SERPINA12: variants seen among roughly 807,000 people sequenced by gnomAD.
SERPINA12 encodes serpin family A member 12.
A neutral mutation model predicts 25.9 loss-of-function variants in SERPINA12; 21 were observed. The ratio of observed to expected loss-of-function variants is 0.81; its 90% confidence interval spans 0.58 to 1.17. SERPINA12 has a LOEUF of 1.17. Among genes scored for constraint, SERPINA12 ranks in the 50% most tolerant of loss-of-function variants. SERPINA12 has a pLI of 0.00. For missense variants in SERPINA12, 562 were observed against 508.3 expected (o/e 1.11, Z -1.02); for synonymous variants, 220 against 196.0 (o/e 1.12, Z -1.02).
chr14:94,508,811 G>A (rs1050761759), intron 1 of SERPINA12, among the ~76,000 whole-genome samples: 4 of 152,124 alleles, frequency 2.6e-5, no homozygotes, highest in African/African-American at 7.2e-5. Flanking sequence ...AAAAATTTGG[G>A]TAAATATGCA....
At chr14:94,499,975 C>T (rs1169790143) in intron 1 of SERPINA12, among the ~76,000 whole-genome samples, 1 of 152,202 alleles carries the variant, frequency 6.6e-6, no homozygotes, top group Non-Finnish European at 1.5e-5. Flanking sequence ...AGGCAACCCT[C>T]ACAGCAGCAC....
intron 3 of SERPINA12, among the ~76,000 whole-genome samples, chr14:94,489,973 C>T (rs1162101455): frequency 6.6e-6 from 1 of 152,130 alleles, no homozygotes; most frequent in African/African-American, 2.4e-5. Flanking sequence ...CCCTGCCTCC[C>T]AGCACACCTG....
At chr14:94,491,953 G>T (rs1173721108) in intron 3 of SERPINA12, among the ~76,000 whole-genome samples, 1 of 152,140 alleles carries the variant, frequency 6.6e-6, no homozygotes, top group Non-Finnish European at 1.5e-5. Flanking sequence ...TCACTCAGGG[G>T]TAAGTATAGA....
intron 1 of SERPINA12, among the ~76,000 whole-genome samples, 63 bp downstream of exon 1, chr14:94,509,279 A>ACCACACAC (rs1555379340): frequency 7.4e-6 from 1 of 134,622 alleles, no homozygotes; most frequent in Non-Finnish European, 1.6e-5. Flanking sequence ...AGAAACAGAC[A>ACCACACAC]ACACACACAC....
chr14:94,507,381 C>T (rs1385904222), intron 1 of SERPINA12, among the ~76,000 whole-genome samples: 1 of 152,112 alleles, frequency 6.6e-6, no homozygotes, highest in Non-Finnish European at 1.5e-5. Flanking sequence ...ACATTAAGAG[C>T]CTTGTTCCTC....
At chr14:94,494,580 T>A (rs534639036) in intron 3 of SERPINA12, among the ~76,000 whole-genome samples, 19 of 152,124 alleles carry the variant, frequency 1.2e-4, no homozygotes, top group African/African-American at 4.1e-4. Context: ...ACTGGGAACA[T>A]CTTCTGCAGT....
At chr14:94,507,757 C>T (rs1212402514) in intron 1 of SERPINA12, among the ~76,000 whole-genome samples, 2 of 152,172 alleles carry the variant, frequency 1.3e-5, no homozygotes, top group Admixed American at 1.3e-4. Flanking sequence ...CCGACACCAA[C>T]GTGTTGATTG....
intron 3 of SERPINA12, among the ~76,000 whole-genome samples, chr14:94,495,226 G>A (rs569033670): frequency 5.3e-5 from 8 of 151,156 alleles, no homozygotes; most frequent in South Asian, 2.1e-4. Context: ...CCGCCACTAC[G>A]CCCGGCTAAT....
At chr14:94,511,493 G>A (rs1729238436), upstream of SERPINA12, 2 of 985,328 alleles carry the variant, frequency 2.0e-6, no homozygotes, top group African/African-American at 1.7e-5. Context: ...CTGTCTGCAT[G>A]CCTCACATAA....
upstream of SERPINA12, chr14:94,511,560 T>A: frequency 1.0e-6 from 1 of 985,452 alleles, no homozygotes; most frequent in South Asian, 4.7e-5. Context: ...TTTGTCGGGT[T>A]GGTTCGTGCA....
At chr14:94,514,089 G>A (rs572082074), upstream of SERPINA12, among the ~76,000 whole-genome samples, 13 of 152,314 alleles carry the variant, frequency 8.5e-5, no homozygotes, top group South Asian at 2.3e-3. Context: ...CCCCACTGTC[G>A]AGAGGCTGAG....
intron 1 of SERPINA12, chr14:94,504,118 G>T (rs1004986625): frequency 4.6e-5 from 7 of 152,268 alleles, no homozygotes; most frequent in Non-Finnish European, 8.8e-5. Context: ...GGAAGGGAAG[G>T]TCTCATACTC....
rs1900511909 is a variant in SERPINA12, at chr14:94,497,899, A to G, written c.499T>C (p.Phe167Leu). 2 of 1,614,202 alleles carry G rather than the reference A, an allele frequency of 1.2e-6. No homozygotes were observed. The highest frequency in any genetic ancestry group is 1.7e-6 in the Non-Finnish European group (2 of 1,180,044). The change falls in exon 2 of 5, where the codon TTT becomes CTT. Residue 167 changes from phenylalanine to leucine, a missense_variant. By Grantham distance (22) the Phe-to-Leu change is conservative. Transcript: ENST00000677451. ...TTCTGAGCCATTTCCAAATTCTGAA[A>G]GTTGGTAAGGATGGTTTCGGCACTG... Reference protein sequence around the residue: ...FYSAETILTNFQNLEMAQKQI... With the variant: ...FYSAETILTNLQNLEMAQKQI...
intron 1 of SERPINA12, among the ~76,000 whole-genome samples, chr14:94,506,051 C>T (rs962881843): frequency 6.6e-6 from 1 of 152,206 alleles, no homozygotes. Flanking sequence ...CTTGAGGCTG[C>T]CCCGACTGCC....
chr14:94,488,849 C>G (rs1401111480), intron 4 of SERPINA12, among the ~76,000 whole-genome samples: 2 of 152,158 alleles, frequency 1.3e-5, no homozygotes, highest in Non-Finnish European at 2.9e-5. Context: ...AATCCCAGCA[C>G]TTTGGGAGGC....
intron 1 of SERPINA12, among the ~76,000 whole-genome samples, chr14:94,499,459 C>T (rs762315933): frequency 6.6e-6 from 1 of 152,228 alleles, no homozygotes; most frequent in Non-Finnish European, 1.5e-5. Context: ...GCCTAAAAAG[C>T]TTATTGATTT....
At chr14:94,491,677 G>A (rs1346727878) in intron 3 of SERPINA12, among the ~76,000 whole-genome samples, 1 of 152,152 alleles carries the variant, frequency 6.6e-6, no homozygotes, top group Non-Finnish European at 1.5e-5. Flanking sequence ...AGGGTGGTCA[G>A]GGTGACTCCA....
intron 3 of SERPINA12, among the ~76,000 whole-genome samples, chr14:94,495,331 G>A (rs1241415814): frequency 1.1e-4 from 16 of 151,984 alleles, no homozygotes; most frequent in Admixed American, 1.0e-3. Flanking sequence ...GCCTCCCAAA[G>A]TGCTGGGATT....
upstream of SERPINA12, chr14:94,511,596 T>C: frequency 1.0e-6 from 1 of 985,430 alleles, no homozygotes. Context: ...CGACACCACC[T>C]TCAGTTTTCC....
Sources: gnomAD v4.1 joint callset for allele counts (sites outside exome capture counted in the v4.1 genomes callset) on GRCh38, gnomAD v4.1.1 for gene constraint, MANE v1.5 for transcripts, NCBI Gene and HGNC (gene_info 2026-07-23, HGNC 2026-07-21) for gene names.